The following SLC36A1 variants were observed in gnomAD, a reference collection of about 807,000 sequenced individuals.
SLC36A1 encodes the protein proton-coupled amino acid transporter 1.
SLC36A1 carries 30 observed loss-of-function variants against 47.5 expected under a neutral mutation model. That is an observed-to-expected ratio of 0.63 (90% confidence interval 0.47 to 0.86). The LOEUF is 0.86. Among genes scored for constraint, SLC36A1 ranks in the 40% least tolerant of loss-of-function variants. The pLI, the probability that SLC36A1 is intolerant of heterozygous loss-of-function variation, is 0.00. For synonymous variants in SLC36A1, 255 were observed against 249.7 expected (o/e 1.02, Z -0.20); for missense variants, 517 against 606.0 (o/e 0.85, Z 1.54).
chr5:151,347,545 A>G, the SLC36A1 span: 2 of 1,532,122 alleles, frequency 1.3e-6, no homozygotes, highest in African/African-American at 1.4e-5. Context: ...GTGTAGATGT[A>G]CACCCCAGCA....
intron 8 of SLC36A1, among the ~76,000 whole-genome samples, chr5:151,474,925 A>G (rs1404111404): frequency 6.6e-6 from 1 of 152,222 alleles, no homozygotes; most frequent in Non-Finnish European, 1.5e-5. Context: ...AAAACCTAGA[A>G]GCTGTACACA....
the SLC36A1 span, among the ~76,000 whole-genome samples, chr5:151,366,962 G>A: frequency 6.6e-6 from 1 of 152,296 alleles, no homozygotes; most frequent in East Asian, 1.9e-4. Flanking sequence ...AGAACAAGGA[G>A]TAGGTACAAA....
intron 1 of SLC36A1, among the ~76,000 whole-genome samples, chr5:151,455,805 C>T (rs755426518): frequency 1.3e-5 from 2 of 152,100 alleles, no homozygotes; most frequent in African/African-American, 2.4e-5. Context: ...AAGGCAAAAG[C>T]GAACAAGGAG....
At chr5:151,552,895 C>A in the SLC36A1 span, among the ~76,000 whole-genome samples, 2 of 152,212 alleles carry the variant, frequency 1.3e-5, no homozygotes, top group African/African-American at 4.8e-5. Context: ...CTTCCTGAAC[C>A]ATTTTAGGTC....
At chr5:151,526,050 A>G in the SLC36A1 span, 2 of 1,302,806 alleles carry the variant, frequency 1.5e-6, no homozygotes, top group Non-Finnish European at 2.2e-6. Flanking sequence ...GTCATCTGGA[A>G]TGAGTCCTCA....
the SLC36A1 span, among the ~76,000 whole-genome samples, chr5:151,408,787 A>G: frequency 6.6e-6 from 1 of 152,182 alleles, no homozygotes; most frequent in Admixed American, 6.5e-5. Flanking sequence ...AAGAGATATC[A>G]GCCATGAAAA....
the SLC36A1 span, among the ~76,000 whole-genome samples, chr5:151,395,584 A>T: frequency 3.7e-3 from 567 of 152,240 alleles, no homozygotes; most frequent in South Asian, 5.6e-3. Context: ...ACCAGTCCTC[A>T]TCCATGTCAC....
At chr5:151,398,121 G>GA in the SLC36A1 span, among the ~76,000 whole-genome samples, 1 of 152,058 alleles carries the variant, frequency 6.6e-6, no homozygotes, top group East Asian at 1.9e-4. Context: ...TGTCTCAAAA[G>GA]AAAAAATTAT....
intron 1 of SLC36A1, among the ~76,000 whole-genome samples, chr5:151,457,094 C>G (rs1029525602): frequency 6.6e-6 from 1 of 152,038 alleles, no homozygotes; most frequent in African/African-American, 2.4e-5. Context: ...ATTAATGTAC[C>G]CTTTTTTTGT....
At chr5:151,482,326 A>G (rs1236311992) in intron 10 of SLC36A1, among the ~76,000 whole-genome samples, 3 of 152,048 alleles carry the variant, frequency 2.0e-5, no homozygotes, top group Admixed American at 6.6e-5. Context: ...AGGGTCCTCA[A>G]CTGTAAGATA....
At chr5:151,550,625 C>A in the SLC36A1 span, 1 of 1,614,040 alleles carries the variant, frequency 6.2e-7, no homozygotes. Flanking sequence ...GGCCCCGAGC[C>A]GAGGTCCAAT....
chr5:151,354,693 T>G, the SLC36A1 span, among the ~76,000 whole-genome samples: 1 of 152,192 alleles, frequency 6.6e-6, no homozygotes, highest in Admixed American at 6.5e-5. Flanking sequence ...GACAGTTTCA[T>G]GCCCACTCTC....
At chr5:151,344,805 A>G in the SLC36A1 span, among the ~76,000 whole-genome samples, 6 of 152,212 alleles carry the variant, frequency 3.9e-5, no homozygotes, top group African/African-American at 1.2e-4. Context: ...AACTAGCTCA[A>G]TGTCATAAAA....
chr5:151,518,348 C>A, the SLC36A1 span, among the ~76,000 whole-genome samples: 3 of 101,486 alleles, frequency 3.0e-5, no homozygotes, highest in Non-Finnish European at 4.6e-5. Context: ...GACCATGTCT[C>A]TAATAATAAT....
the SLC36A1 span, among the ~76,000 whole-genome samples, chr5:151,409,052 G>A: frequency 6.7e-6 from 1 of 149,552 alleles, no homozygotes; most frequent in Non-Finnish European, 1.5e-5. Flanking sequence ...AGGCTGGAGT[G>A]CAGTGGTGTG....
chr5:151,498,201 T>C, the SLC36A1 span, among the ~76,000 whole-genome samples: 2 of 152,126 alleles, frequency 1.3e-5, no homozygotes, highest in Admixed American at 1.3e-4. Flanking sequence ...CACCTCGGCC[T>C]CCCAAAGTGC....
chr5:151,393,197 C>G, the SLC36A1 span, among the ~76,000 whole-genome samples: 1 of 151,820 alleles, frequency 6.6e-6, no homozygotes, highest in African/African-American at 2.4e-5. Flanking sequence ...GGTTTAAAGT[C>G]TGTTTTATCA....
At chr5:151,392,889 G>T in the SLC36A1 span, among the ~76,000 whole-genome samples, 2 of 152,266 alleles carry the variant, frequency 1.3e-5, no homozygotes, top group Middle Eastern at 3.4e-3. Context: ...TTGATTTGGG[G>T]TGGAGAGTTC....
intron 10 of SLC36A1, among the ~76,000 whole-genome samples, chr5:151,484,558 G>T (rs1759262302): frequency 1.3e-5 from 2 of 152,206 alleles, no homozygotes; most frequent in South Asian, 4.1e-4. Context: ...GAATTTCAGA[G>T]TTGGGCGAGA....
Sources: gnomAD v4.1 joint callset for allele counts (sites outside exome capture counted in the v4.1 genomes callset) on GRCh38, gnomAD v4.1.1 for gene constraint, MANE v1.5 for transcripts, NCBI Gene and HGNC (gene_info 2026-07-23, HGNC 2026-07-21) for gene names.